ASNS: variants seen among roughly 807,000 people sequenced by gnomAD.
ASNS encodes asparagine synthetase [glutamine-hydrolyzing].
Under a neutral mutation model 62.6 loss-of-function variants are expected in ASNS, and 37 were observed. That is an observed-to-expected ratio of 0.59 (90% CI 0.45 to 0.78). The LOEUF (loss-of-function observed/expected upper bound fraction) is 0.78, where lower values mean the gene tolerates loss of function less well. Among genes scored for constraint, ASNS ranks in the 30% least tolerant of loss-of-function variants. ASNS has a pLI of 0.00. For synonymous variants in ASNS, 207 were observed against 237.9 expected (o/e 0.87, Z 1.19); for missense variants, 520 against 682.4 (o/e 0.76, Z 2.65).
the ASNS span, among the ~76,000 whole-genome samples, chr7:97,880,694 A>AC: frequency 6.6e-6 from 1 of 152,054 alleles, no homozygotes; most frequent in African/African-American, 2.4e-5. Context: ...TGTAAAAATT[A>AC]CCCCCCAAAG....
intron 4 of ASNS, among the ~76,000 whole-genome samples, chr7:97,860,527 G>A (rs1327926640): frequency 6.6e-6 from 1 of 152,144 alleles, no homozygotes; most frequent in African/African-American, 2.4e-5. Flanking sequence ...GATCACACTA[G>A]AAATGCCTGA....
chr7:97,896,741 CATATATATAT>C, the ASNS span, among the ~76,000 whole-genome samples: 273 of 19,782 alleles, frequency 0.014, 22 homozygotes, highest in South Asian at 0.19. Context: ...CACACACACA[CATATATATAT>C]ATATATATAT....
At chr7:97,872,310 T>TGTCGCGGGGCGCAG (rs1792317072) in intron 1 of ASNS, 41 bp downstream of exon 1, 1 of 151,332 alleles carries the variant, frequency 6.6e-6, no homozygotes, top group Admixed American at 6.6e-5. Flanking sequence ...AGGAGGATGC[T>TGTCGCGGGGCGCAG]GGCGCGGGGC....
At chr7:97,900,362 A>AAAAAAAAAAAAAC in the ASNS span, among the ~76,000 whole-genome samples, 114 of 134,632 alleles carry the variant, frequency 8.5e-4, no homozygotes, top group African/African-American at 3.6e-3. Flanking sequence ...CTTTGTCTCA[A>AAAAAAAAAAAAAC]AAAAAAAAAA....
the ASNS span, among the ~76,000 whole-genome samples, chr7:97,907,924 A>G: frequency 6.6e-6 from 1 of 152,186 alleles, no homozygotes; most frequent in Non-Finnish European, 1.5e-5. Context: ...TAAAGAATAC[A>G]GTATTTTTGA....
intron 8 of ASNS, among the ~76,000 whole-genome samples, chr7:97,855,935 G>A (rs1326480356): frequency 2.0e-5 from 3 of 152,090 alleles, no homozygotes; most frequent in Admixed American, 2.0e-4. Context: ...TGCCTCCTTG[G>A]TCCTGCACCA....
chr7:97,886,289 C>T, the ASNS span, among the ~76,000 whole-genome samples: 1 of 152,142 alleles, frequency 6.6e-6, no homozygotes, highest in Non-Finnish European at 1.5e-5. Flanking sequence ...TGTGGGACTA[C>T]AGGCGTGTGC....
chr7:97,915,388 C>T, the ASNS span, among the ~76,000 whole-genome samples: 378 of 152,344 alleles, frequency 2.5e-3, 1 homozygote, highest in African/African-American at 8.7e-3. Context: ...TCAACTTTCT[C>T]ATCTGTAAAA....
the ASNS span, among the ~76,000 whole-genome samples, chr7:97,878,500 A>G: frequency 6.6e-6 from 1 of 152,222 alleles, no homozygotes; most frequent in Non-Finnish European, 1.5e-5. Flanking sequence ...GTATACACCA[A>G]TAACAAACAG....
At chr7:97,919,529 A>C in the ASNS span, among the ~76,000 whole-genome samples, 2 of 152,180 alleles carry the variant, frequency 1.3e-5, no homozygotes, top group Non-Finnish European at 2.9e-5. Context: ...AAAAAGAAAA[A>C]CATGAATGGA....
chr7:97,872,366 T>C lies in ASNS; in HGVS notation c.-75A>G, dbSNP rs548887797. ...CCCGGCTCACCTGGGCGTAAGCAGGTCAGGGTGATGTGGCGGGCTGAGGCC... is the reference window on the plus strand; with the variant it reads ...CCCGGCTCACCTGGGCGTAAGCAGGCCAGGGTGATGTGGCGGGCTGAGGCC... On this transcript the variant is annotated 5_prime_UTR_variant, in exon 1 of 13. Coordinates refer to ENST00000394308, the MANE Select transcript of ASNS (RefSeq NM_001673.5). The C allele has an allele frequency of 8.7e-5, 13 of 149,402 alleles. No individual in the cohort carries two copies. In the South Asian group the frequency reaches 2.5e-3, roughly 29 times the overall value. 9.3% of individuals were successfully genotyped at this position (149,402 alleles called of 1,614,324 possible).
At chr7:97,870,297 A>C in intron 1 of ASNS, 1 of 547,876 alleles carries the variant, frequency 1.8e-6, no homozygotes, top group Non-Finnish European at 3.2e-6. Context: ...ACCAAAAACA[A>C]GATGTTTTAA....
chr7:97,889,629 GA>G, the ASNS span, among the ~76,000 whole-genome samples: 4 of 151,840 alleles, frequency 2.6e-5, no homozygotes, highest in Non-Finnish European at 4.4e-5. Flanking sequence ...TACCCACCCA[GA>G]ATCAAAGCCA....
At chr7:97,886,346 A>T in the ASNS span, among the ~76,000 whole-genome samples, 4 of 152,006 alleles carry the variant, frequency 2.6e-5, no homozygotes, top group African/African-American at 9.7e-5. Flanking sequence ...ACGGGGTTTC[A>T]CCATGTTGGC....
At chr7:97,894,502 A>G in the ASNS span, among the ~76,000 whole-genome samples, 1 of 140,390 alleles carries the variant, frequency 7.1e-6, no homozygotes, top group Non-Finnish European at 1.6e-5. Context: ...AAAAAAAAAA[A>G]AAGACCCAAA....
rs1584463645 is a variant in ASNS, at chr7:97,858,489, A to C, written c.776-84T>G. The C allele has an allele frequency of 1.7e-5, 25 of 1,510,776 alleles. No homozygotes were observed. In the East Asian group the frequency reaches 5.5e-4, roughly 33 times the overall value. The allele number at this position is 1,510,776 out of a possible 1,614,324, so 93.6% of individuals were successfully genotyped here. ...CAGAAGATGTATATTCCTGATAAAC[A>C]CCAAGATCATAGTTTTACTATTTAA... On this transcript the variant is annotated intron_variant, in intron 6 of 12. Coordinates refer to ENST00000394308, the MANE Select transcript of ASNS (RefSeq NM_001673.5).
chr7:97,854,975 CTTTT>C (rs71532083), intron 9 of ASNS: 100 of 244,388 alleles, frequency 4.1e-4, no homozygotes, highest in Middle Eastern at 1.5e-3. Flanking sequence ...TTATTTTTAA[CTTTT>C]TTTTTTTTTT....
chr7:97,902,861 C>T, the ASNS span, among the ~76,000 whole-genome samples: 13 of 152,330 alleles, frequency 8.5e-5, no homozygotes, highest in East Asian at 2.5e-3. Flanking sequence ...TACAAACAGC[C>T]TCCACCTATT....
the ASNS span, among the ~76,000 whole-genome samples, chr7:97,924,750 C>T: frequency 6.6e-6 from 1 of 152,234 alleles, no homozygotes; most frequent in Admixed American, 6.5e-5. Flanking sequence ...CTGGTCTGCA[C>T]CACACCAGTG....
Sources: gnomAD v4.1 joint callset for allele counts (sites outside exome capture counted in the v4.1 genomes callset) on GRCh38, gnomAD v4.1.1 for gene constraint, MANE v1.5 for transcripts, NCBI Gene and HGNC (gene_info 2026-07-23, HGNC 2026-07-21) for gene names.